The following MINK1 variants were observed in gnomAD, a reference collection of about 807,000 sequenced individuals.
MINK1 encodes misshapen-like kinase 1.
A neutral mutation model predicts 178.4 loss-of-function variants in MINK1; 46 were observed. The ratio of observed to expected loss-of-function variants is 0.26; its 90% CI spans 0.20 to 0.33. MINK1 has a LOEUF of 0.33. Among genes scored for constraint, MINK1 ranks in the 10% least tolerant of loss-of-function variants. The pLI is 1.00. For missense variants in MINK1, 1,366 were observed against 1,814.9 expected, an observed-to-expected ratio of 0.75 and a Z score of 4.49; for synonymous variants, 797 against 709.7, an observed-to-expected ratio of 1.12 and a Z score of -1.96.
chr17:4,878,207 T>TA, intron 1 of MINK1, 110 bp from the exon 2 acceptor site: 1 of 926,870 alleles, frequency 1.1e-6, no homozygotes, highest in Non-Finnish European at 1.6e-6. Flanking sequence ...GCCCTCCTGA[T>TA]ATGCTGGTCT....
rs1379095464 is a variant in MINK1 at position 4,836,122 on chromosome 17, T to G, written c.57+2482T>G. Among the ~76,000 whole-genome samples, 2 of 152,168 alleles carry G rather than the reference T, an allele frequency of 1.3e-5. No homozygotes were observed. Among genetic ancestry groups the G allele is most frequent in the East Asian group, 1.9e-4 (1 of 5,188 alleles). ...AAGCAGCTAGTGTGGTCATCTCTTG[T>G]GCTATTCCTGTCTGTTTTCCAGTGA... is the stretch of plus-strand genomic sequence containing the variant. On this transcript the variant is annotated intron_variant, in intron 1 of 31. Transcript: ENST00000355280. This position sits in a 1 kb window ranked among gnomAD's most constrained non-coding sequence, Gnocchi z 4.3.
chr17:4,873,637 G>A (rs796221580), intron 1 of MINK1, among the ~76,000 whole-genome samples: 918 of 18,900 alleles, frequency 0.049, 13 homozygotes, highest in African/African-American at 0.11. Flanking sequence ...TTTTTTTTTT[G>A]AGAAGGCGTC....
chr17:4,841,920 A>G (rs1910283997), intron 1 of MINK1, among the ~76,000 whole-genome samples: 1 of 152,154 alleles, frequency 6.6e-6, no homozygotes, highest in Admixed American at 6.5e-5. Context: ...CTGAGGAGGG[A>G]GGATTAACTG....
Position 4,886,267 on chromosome 17 carries a change from C to T in MINK1, c.773+69C>T. The T allele has an allele frequency of 1.9e-6, 3 of 1,567,966 alleles. No individual in the cohort carries two copies. The highest frequency in any genetic ancestry group is 8.8e-7 in the Non-Finnish European group (1 of 1,138,302). ...ACAAGGCCATCCCCACCTTCATGCC[C>T]TCTGTGCTCAGGCTTGGATCTCACC... On this transcript the variant is annotated intron_variant, in intron 9 of 31. Coordinates refer to ENST00000355280, the MANE Select transcript of MINK1 (RefSeq NM_153827.5). This position sits in a 1 kb window ranked among gnomAD's most constrained non-coding sequence, Gnocchi z 6.1.
intron 1 of MINK1, among the ~76,000 whole-genome samples, chr17:4,840,416 A>C (rs1436893908): frequency 6.6e-6 from 1 of 152,186 alleles, no homozygotes; most frequent in Non-Finnish European, 1.5e-5. Flanking sequence ...TTTGTCTCAA[A>C]AGTTAAGAGC....
chr17:4,868,860 C>T, intron 1 of MINK1: 1 of 332,768 alleles, frequency 3.0e-6, no homozygotes, highest in Non-Finnish European at 6.2e-6. Context: ...AGCAGTCCTC[C>T]CACCTCAGCC....
At chr17:4,838,630 T>C (rs1160751032) in intron 1 of MINK1, among the ~76,000 whole-genome samples, 1 of 152,088 alleles carries the variant, frequency 6.6e-6, no homozygotes, top group Non-Finnish European at 1.5e-5. Flanking sequence ...CTGGTGTAGG[T>C]CTGTAGATAA....
intron 1 of MINK1, chr17:4,875,456 C>T: frequency 2.2e-6 from 1 of 453,624 alleles, no homozygotes; most frequent in African/African-American, 2.0e-5. Context: ...ACCTGGGCAA[C>T]AGAGCGAGAT....
intron 1 of MINK1, among the ~76,000 whole-genome samples, chr17:4,862,394 C>T (rs978162320): frequency 1.3e-5 from 2 of 152,018 alleles, no homozygotes; most frequent in African/African-American, 4.8e-5. Context: ...GTGGCTCACG[C>T]CTGTAATCCC....
intron 1 of MINK1, 67 bp from the exon 2 acceptor site, chr17:4,878,250 C>A (rs1313253400): frequency 1.4e-6 from 2 of 1,415,946 alleles, no homozygotes; most frequent in African/African-American, 1.4e-5. Flanking sequence ...TACCACTTTA[C>A]CCCCCTCTAG....
At chr17:4,851,739 G>A (rs541065872) in intron 1 of MINK1, among the ~76,000 whole-genome samples, 4 of 152,062 alleles carry the variant, frequency 2.6e-5, no homozygotes, top group Non-Finnish European at 5.9e-5. Context: ...GGTGGCTCAC[G>A]CCTGTAATCC....
Position 4,881,251 on chromosome 17 carries a change from G to A in MINK1, c.300G>A (p.Gln100=), listed in dbSNP as rs1367928440. ...AGAGCCCCCCGGGAAACGATGACCAGCTCTGGGTGAGAAACGCCCCCCTGC... is the reference window on the plus strand; with the variant it reads ...AGAGCCCCCCGGGAAACGATGACCAACTCTGGGTGAGAAACGCCCCCCTGC... The part of the protein sequence containing the change: ...IKKSPPGNDD[Q]LWLVMEFCGA... The change falls in exon 4 of 32, where the codon CAG becomes CAA. Residue 100 remains glutamine (Q), a synonymous_variant. Transcript: ENST00000355280. 6.5e-7 allele frequency: 1 copy of A among 1,537,138 alleles called. No individual in the cohort carries two copies. Among genetic ancestry groups the A allele is most frequent in the East Asian group, 2.4e-5 (1 of 40,896 alleles).
Position 4,896,378 on chromosome 17 carries a change from C to G in MINK1, c.3615+36C>G. 6.2e-7 allele frequency: 1 copy of G among 1,606,094 alleles called. No homozygotes were observed. Among genetic ancestry groups the G allele is most frequent in the Non-Finnish European group, 8.5e-7 (1 of 1,175,290 alleles). On this transcript the variant is annotated intron_variant, in intron 29 of 31. Transcript: ENST00000355280. The surrounding 1 kb of genome is among the most constrained non-coding windows in gnomAD (Gnocchi z 4.6). ...CGGGGCTGCTGGGGGAGTGGGATGG[C>G]CCAGTCTGGGCACCAGACACGGAGA...
intron 4 of MINK1, among the ~76,000 whole-genome samples, chr17:4,882,639 G>T (rs976258333): frequency 2.0e-5 from 3 of 152,162 alleles, no homozygotes; most frequent in Non-Finnish European, 4.4e-5. Context: ...GGCTTTGCGG[G>T]TCATATTTGC....
At position 4,894,629 on chromosome 17, in the gene MINK1, C is replaced by G; in HGVS notation, c.2913C>G (p.Ile971Met). 1 of 1,599,740 alleles carries G rather than the reference C, an allele frequency of 6.3e-7. No individual in the cohort carries two copies. The highest frequency in any genetic ancestry group is 1.3e-5 in the African/African-American group (1 of 74,742). The change falls in exon 24 of 32, where the codon ATC (isoleucine) becomes ATG (methionine). Residue 971 changes from isoleucine (I) to methionine (M), a missense_variant. Around this residue, in one of 14 missense-constraint regions of MINK1, gnomAD observed 709 missense variants for 692.3 expected, o/e 1.02. Transcript: ENST00000355280. This position sits in a 1 kb window ranked among gnomAD's most constrained non-coding sequence, Gnocchi z 4.1. ...GAGGCAGTGGGGACAGCATCCCCAT[C>G]ACAGGTGAGGACAGGAGGACAGACC... Reference protein sequence around the residue: ...QPGGSGDSIPITALVGGEGTR... With the variant: ...QPGGSGDSIPMTALVGGEGTR...
At chr17:4,877,295 C>T (rs1032495405) in intron 1 of MINK1, among the ~76,000 whole-genome samples, 2 of 152,094 alleles carry the variant, frequency 1.3e-5, no homozygotes, top group East Asian at 1.9e-4. Context: ...AGGGGGAGGA[C>T]GAGCCTCTTT....
chr17:4,890,407 T>G (rs1340917179), intron 13 of MINK1, 110 bp from the exon 14 acceptor site: 2 of 1,473,070 alleles, frequency 1.4e-6, no homozygotes, highest in Admixed American at 2.3e-5. Context: ...ACCCAGGACA[T>G]CAAGGGAATA....
chr17:4,896,874 G>T lies in MINK1; in HGVS notation c.3915+61G>T. On this transcript the variant is annotated intron_variant, in intron 31 of 31. Coordinates refer to ENST00000355280, the MANE Select transcript of MINK1 (RefSeq NM_153827.5). The surrounding 1 kb of genome is among the most constrained non-coding windows in gnomAD (Gnocchi z 4.6). ...CCGGCTGCCATGACCCTAGGCCCCT[G>T]GGCAGAGTTCTGGGGAGAGGATGGT... 1 of 1,506,946 alleles carries T rather than the reference G, an allele frequency of 6.6e-7. No individual in the cohort carries two copies. The highest frequency in any genetic ancestry group is 8.8e-7 in the Non-Finnish European group (1 of 1,130,520). 93.3% of individuals were successfully genotyped at this position (1,506,946 alleles called of 1,614,324 possible).
rs377529959 is a variant in MINK1, at chr17:4,894,363, C to T, written c.2808+52C>T. 6.3e-7 allele frequency: 1 copy of T among 1,584,190 alleles called. No homozygotes were observed. The highest frequency in any genetic ancestry group is 8.6e-7 in the Non-Finnish European group (1 of 1,166,466). The stretch of plus-strand genomic sequence containing the variant: ...GGGAGAGAAGAGCCCTGGCGATGGG[C>T]AGGAGGTCCCGGTGCTGGGTAACGG... On this transcript the variant is annotated intron_variant, in intron 23 of 31. Transcript: ENST00000355280. This position sits in a 1 kb window ranked among gnomAD's most constrained non-coding sequence, Gnocchi z 4.1.
Sources: gnomAD v4.1 joint callset for allele counts (sites outside exome capture counted in the v4.1 genomes callset) on GRCh38, gnomAD v4.1.1 for gene constraint, gnomAD v4.1.1 regional missense constraint, Gnocchi (gnomAD v3.1) non-coding constraint, MANE v1.5 for transcripts, NCBI Gene and HGNC (gene_info 2026-07-23, HGNC 2026-07-21) for gene names.